The following CRX variants were observed in gnomAD, a reference collection of about 807,000 sequenced individuals.
CRX encodes the protein cone-rod homeobox protein.
In CRX, 5 loss-of-function variants were observed where a neutral mutation model predicts 13.1. The observed-to-expected ratio is 0.38, with a 90% CI of 0.20 to 0.80. CRX has a LOEUF of 0.80. Among genes scored for constraint, CRX ranks in the 30% least tolerant of loss-of-function variants. The pLI is 0.43. For synonymous variants in CRX, 179 were observed against 171.1 expected (o/e 1.05, Z -0.36); for missense variants, 351 against 391.8 (o/e 0.90, Z 0.88).
chr19:47,838,335 T>G (rs1483385785), intron 3 of CRX, among the ~76,000 whole-genome samples: 1 of 152,082 alleles, frequency 6.6e-6, no homozygotes, highest in Non-Finnish European at 1.5e-5. Context: ...ATGGGTTTAT[T>G]TGTGTATATA....
chr19:47,831,025 C>T (rs12978962), intron 1 of CRX, among the ~76,000 whole-genome samples: 74,988 of 151,150 alleles, frequency 0.5, 19,125 homozygotes, highest in Middle Eastern at 0.63. Context: ...TAATGAATAA[C>T]AGACCGGGTG....
chr19:47,839,359 C>T lies in CRX; in HGVS notation c.292C>T (p.Arg98Ter), dbSNP rs751018117. The T allele has an allele frequency of 1.9e-6, 3 of 1,613,566 alleles. No homozygotes were observed. The highest frequency in any genetic ancestry group is 1.1e-5 in the South Asian group (1 of 91,068). Reference protein sequence around the residue: ...KNRRAKCRQQRQQQKQQQQPP... With the variant: ...KNRRAKCRQQ ...CCGGAGGGCTAAATGCAGGCAGCAG[C>T]GACAGCAGCAGAAACAGCAGCAGCA... Residue 98 changes from arginine (R) to a stop codon, truncating the protein, a stop_gained, in exon 4 of 4, where the codon CGA becomes TGA. Transcript: ENST00000221996. LOFTEE classifies it low-confidence loss of function (END_TRUNC). The surrounding 1 kb of genome is among the most constrained non-coding windows in gnomAD (Gnocchi z 4.6).
chr19:47,838,707 G>C (rs1245181450), intron 3 of CRX, among the ~76,000 whole-genome samples: 2 of 152,218 alleles, frequency 1.3e-5, no homozygotes, highest in South Asian at 4.1e-4. Flanking sequence ...ATGTATAATT[G>C]TATGTGTGCA....
At chr19:47,835,815 G>A (rs1968111005) in intron 2 of CRX, among the ~76,000 whole-genome samples, 1 of 151,698 alleles carries the variant, frequency 6.6e-6, no homozygotes, top group Admixed American at 6.6e-5. Context: ...TAGAGACAGG[G>A]GTTCCCCATG....
intron 1 of CRX, among the ~76,000 whole-genome samples, chr19:47,826,104 G>A (rs1967972377): frequency 6.6e-6 from 1 of 152,172 alleles, no homozygotes; most frequent in South Asian, 2.1e-4. Flanking sequence ...AGGTTCACCA[G>A]TTTCCTTGTC....
In CRX at chr19:47,829,275, C is replaced by T. The variant is rs149479611; in HGVS notation, c.-35-5134C>T. 3.7e-3 allele frequency among the ~76,000 whole-genome samples: 558 copies of T among 151,908 alleles called. 25 individuals are homozygous for T. The East Asian group carries it at 0.083, about 23-fold the overall frequency. ...GGATTACAGGCATGCACCACCATGC[C>T]TGGCTAATTTTTGTATTTTTATTTT... On this transcript the variant is annotated intron_variant, in intron 1 of 3. Transcript: ENST00000221996.
At chr19:47,825,765 C>CAAAAAAAAAAAAAAAAAAAAAAAAAAAA (rs774130693) in intron 1 of CRX, among the ~76,000 whole-genome samples, 1 of 143,562 alleles carries the variant, frequency 7.0e-6, no homozygotes, top group Non-Finnish European at 1.5e-5. Flanking sequence ...ACTAAAAATA[C>CAAAAAAAAAAAAAAAAAAAAAAAAAAAA]AAAAAAAAAA....
intron 1 of CRX, among the ~76,000 whole-genome samples, chr19:47,831,376 C>A (rs1968043588): frequency 1.3e-5 from 2 of 150,984 alleles, no homozygotes; most frequent in Admixed American, 1.3e-4. Context: ...GGGTCCCCAA[C>A]CCCCGGTTTG....
intron 1 of CRX, among the ~76,000 whole-genome samples, chr19:47,832,304 C>A (rs1968061168): frequency 6.6e-6 from 1 of 151,010 alleles, no homozygotes; most frequent in East Asian, 2.0e-4. Flanking sequence ...CGGGGTTTCA[C>A]CATGTTGGCC....
At position 47,839,901 on chromosome 19, in the gene CRX, C is replaced by A. The variant is rs770494420; in HGVS notation, c.834C>A (p.Phe278Leu). The A allele has an allele frequency of 3.1e-6, 5 of 1,614,148 alleles. No homozygotes were observed. In the South Asian group the frequency reaches 5.5e-5, roughly 18 times the overall value. Reference protein sequence around the residue: ...EFKDPTGTWKFTYNPMDPLDY... With the variant: ...EFKDPTGTWKLTYNPMDPLDY... ...AGGACCCCACGGGCACCTGGAAATT[C>A]ACCTACAATCCCATGGACCCTCTGG... Residue 278 changes from phenylalanine (F) to leucine (L), a missense_variant, in exon 4 of 4, where the codon TTC becomes TTA. Coordinates refer to ENST00000221996, the MANE Select transcript of CRX (RefSeq NM_000554.6). The surrounding 1 kb of genome is among the most constrained non-coding windows in gnomAD (Gnocchi z 4.6).
In CRX at chr19:47,840,464, C is replaced by G. The variant is rs1376175134; in HGVS notation, c.*497C>G. ...TCGCCCAGGCTGGAGTGCAGTGGCA[C>G]GATCTCAGCTCACTGCAAGCTCTAC... On this transcript the variant is annotated 3_prime_UTR_variant, in exon 4 of 4. Coordinates refer to ENST00000221996, the MANE Select transcript of CRX (RefSeq NM_000554.6). The G allele has an allele frequency of 6.1e-6, 1 of 164,504 alleles. No homozygotes were observed. Among genetic ancestry groups the G allele is most frequent in the Admixed American group, 5.7e-5 (1 of 17,672 alleles). The allele number at this position is 164,504 out of a possible 1,614,324, so 10.2% of individuals were successfully genotyped here. A position where few individuals can be genotyped will look rare whatever the true frequency, so the allele number is the denominator to read the frequency against.
At chr19:47,829,978 T>C in intron 1 of CRX, among the ~76,000 whole-genome samples, 1 of 151,200 alleles carries the variant, frequency 6.6e-6, no homozygotes, top group African/African-American at 2.4e-5. Context: ...GAGGTATACA[T>C]ACTGCCCAGC....
At chr19:47,838,655 A>C (rs115950975) in intron 3 of CRX, among the ~76,000 whole-genome samples, 107 of 152,242 alleles carry the variant, frequency 7.0e-4, no homozygotes, top group African/African-American at 2.4e-3. Flanking sequence ...GATCAGATAG[A>C]TGGGTAAACG....
chr19:47,832,915 A>G (rs562506170), intron 1 of CRX, among the ~76,000 whole-genome samples: 5 of 151,888 alleles, frequency 3.3e-5, no homozygotes, highest in African/African-American at 7.3e-5. Flanking sequence ...ACTGCTACCT[A>G]TCTGCCATGG....
intron 3 of CRX, among the ~76,000 whole-genome samples, chr19:47,838,253 A>G (rs927082761): frequency 1.4e-5 from 2 of 145,228 alleles, no homozygotes; most frequent in Non-Finnish European, 3.1e-5. Flanking sequence ...AATTGTATGT[A>G]TGTTTGCATT....
intron 1 of CRX, among the ~76,000 whole-genome samples, chr19:47,830,062 TAATA>T (rs1039052523): frequency 1.3e-5 from 2 of 149,222 alleles, no homozygotes; most frequent in African/African-American, 4.9e-5. Context: ...ACACAAATAA[TAATA>T]AATATATATG....
intron 1 of CRX, among the ~76,000 whole-genome samples, chr19:47,822,602 G>A (rs1336070029): frequency 6.6e-6 from 1 of 152,166 alleles, no homozygotes; most frequent in Non-Finnish European, 1.5e-5. Context: ...GGGTGGACTT[G>A]GGCCTGCCCG....
At chr19:47,834,348 G>C in intron 1 of CRX, 61 bp from the exon 2 acceptor site, 1 of 956,272 alleles carries the variant, frequency 1.0e-6, no homozygotes, top group Non-Finnish European at 1.7e-6. Context: ...ATCGCAGCCT[G>C]CACGTCACCC....
chr19:47,840,080 GC>G lies in CRX; in HGVS notation c.*114del. 7.7e-7 allele frequency: 1 copy of G among 1,298,756 alleles called. No homozygotes were observed. The highest frequency in any genetic ancestry group is 1.1e-6 in the Non-Finnish European group (1 of 923,808). The allele number at this position is 1,298,756 out of a possible 1,614,324, so 80.5% of individuals were successfully genotyped here. A position where few individuals can be genotyped will look rare whatever the true frequency, so the allele number is the denominator to read the frequency against. ...ATTCCTGAGAAAGCAACCCGAACCA[GC>G]TGTCCTTCTGACAGCTCGGTGTTCA... On this transcript the variant is annotated 3_prime_UTR_variant, in exon 4 of 4. Transcript: ENST00000221996.
Sources: allele counts gnomAD v4.1 joint callset (sites outside exome capture counted in the v4.1 genomes callset), GRCh38; gene constraint gnomAD v4.1.1; non-coding constraint Gnocchi (gnomAD v3.1); transcripts MANE v1.5; gene names NCBI Gene and HGNC (gene_info 2026-07-23, HGNC 2026-07-21).